EEFSEC: variants seen among roughly 807,000 people sequenced by gnomAD.
EEFSEC encodes the protein selenocysteine-specific elongation factor.
A neutral mutation model predicts 42.1 loss-of-function variants in EEFSEC; 43 were observed. The observed-to-expected ratio is 1.02, with a 90% CI of 0.80 to 1.32. The LOEUF (loss-of-function observed/expected upper bound fraction) is 1.32, where lower values mean the gene tolerates loss of function less well. Among genes scored for constraint, EEFSEC ranks in the 40% most tolerant of loss-of-function variants. EEFSEC has a pLI of 0.00. For missense variants in EEFSEC, 745 were observed against 803.6 expected (o/e 0.93, Z 0.88); for synonymous variants, 354 against 339.1 (o/e 1.04, Z -0.48).
At chr3:128,195,994 C>T (rs1490275181) in intron 1 of EEFSEC, among the ~76,000 whole-genome samples, 1 of 152,258 alleles carries the variant, frequency 6.6e-6, no homozygotes, top group African/African-American at 2.4e-5. Flanking sequence ...GTATTGCCCC[C>T]ACCGCCTTTC....
intron 1 of EEFSEC, among the ~76,000 whole-genome samples, chr3:128,243,145 A>G (rs2066090189): frequency 6.6e-6 from 1 of 152,170 alleles, no homozygotes; most frequent in Non-Finnish European, 1.5e-5. Flanking sequence ...TGGCCAGTCA[A>G]GTCCCTCTGA....
intron 6 of EEFSEC, among the ~76,000 whole-genome samples, chr3:128,385,399 G>A (rs536461445): frequency 1.5e-4 from 23 of 152,314 alleles, no homozygotes; most frequent in Non-Finnish European, 3.4e-4. Context: ...GCTGCCCTGG[G>A]AATGCAGGCC....
At chr3:128,372,618 C>T (rs189852665) in intron 6 of EEFSEC, among the ~76,000 whole-genome samples, 57 of 152,282 alleles carry the variant, frequency 3.7e-4, no homozygotes, top group Admixed American at 3.7e-3. Flanking sequence ...CTGTTACTGC[C>T]GATGTTCATT....
intron 6 of EEFSEC, among the ~76,000 whole-genome samples, chr3:128,358,875 G>T (rs1272133775): frequency 6.6e-6 from 1 of 152,156 alleles, no homozygotes; most frequent in Non-Finnish European, 1.5e-5. Flanking sequence ...GGGTCAGAGG[G>T]TGTGTGTTTG....
At chr3:128,344,875 C>T (rs922332372) in intron 5 of EEFSEC, among the ~76,000 whole-genome samples, 5 of 152,302 alleles carry the variant, frequency 3.3e-5, no homozygotes, top group Admixed American at 6.5e-5. Flanking sequence ...ATGTAAGAGC[C>T]GACTCTCATC....
At chr3:128,300,060 C>T (rs1019646999) in intron 4 of EEFSEC, among the ~76,000 whole-genome samples, 2 of 152,174 alleles carry the variant, frequency 1.3e-5, no homozygotes, top group African/African-American at 4.8e-5. Flanking sequence ...TGGTAGTCAG[C>T]TCCCCGGCAG....
chr3:128,236,120 C>T (rs1469244539), intron 1 of EEFSEC, among the ~76,000 whole-genome samples: 1 of 152,196 alleles, frequency 6.6e-6, no homozygotes, highest in Non-Finnish European at 1.5e-5. Context: ...CAACACCAGG[C>T]ACGCAACACC....
chr3:128,299,761 A>G (rs2066746611), intron 4 of EEFSEC, among the ~76,000 whole-genome samples: 1 of 152,248 alleles, frequency 6.6e-6, no homozygotes, highest in African/African-American at 2.4e-5. Flanking sequence ...CATGAGGATT[A>G]TAAGTAATAC....
the EEFSEC span, among the ~76,000 whole-genome samples, chr3:128,417,837 T>C: frequency 6.6e-6 from 1 of 152,068 alleles, no homozygotes; most frequent in Non-Finnish European, 1.5e-5. This position sits in a 1 kb window ranked among gnomAD's most constrained non-coding sequence, Gnocchi z 4.3. Flanking sequence ...GCACTCCGGT[T>C]CACATGTGCT....
At position 128,198,656 on chromosome 3, in the gene EEFSEC, G is replaced by T. The variant is rs2065611895; in HGVS notation, c.316+44833G>T. 2.0e-5 allele frequency among the ~76,000 whole-genome samples: 3 copies of T among 152,162 alleles called. No homozygotes were observed. In the South Asian group the frequency reaches 6.2e-4, roughly 32 times the overall value. ...GACACTGGGGACATTCCTTTCTGAAGAAGGCTCCTTGCATACAAAAAGAAT... is the reference window on the plus strand; with the variant it reads ...GACACTGGGGACATTCCTTTCTGAATAAGGCTCCTTGCATACAAAAAGAAT... On this transcript the variant is annotated intron_variant, in intron 1 of 6. Coordinates refer to ENST00000254730, the MANE Select transcript of EEFSEC (RefSeq NM_021937.5).
intron 4 of EEFSEC, among the ~76,000 whole-genome samples, chr3:128,326,798 T>C (rs961309208): frequency 1.3e-4 from 20 of 152,204 alleles, no homozygotes; most frequent in African/African-American, 4.8e-4. Context: ...AATTCATGAA[T>C]TTCCTGTAGC....
chr3:128,285,956 T>G (rs1306550974), intron 4 of EEFSEC, among the ~76,000 whole-genome samples: 1 of 152,236 alleles, frequency 6.6e-6, no homozygotes, highest in Non-Finnish European at 1.5e-5. Flanking sequence ...CTCTGCTAGT[T>G]ATATTTTTTC....
chr3:128,379,680 T>C (rs568029693), intron 6 of EEFSEC, among the ~76,000 whole-genome samples: 2 of 152,272 alleles, frequency 1.3e-5, no homozygotes, highest in South Asian at 2.1e-4. Context: ...TATCTTTCCT[T>C]GCGGCAATCG....
chr3:128,226,311 T>G (rs2065906945), intron 1 of EEFSEC, among the ~76,000 whole-genome samples: 1 of 152,190 alleles, frequency 6.6e-6, no homozygotes, highest in Non-Finnish European at 1.5e-5. Context: ...ACCCAGCATT[T>G]TCTGTTCCTT....
At chr3:128,329,833 G>A (rs977521324) in intron 4 of EEFSEC, among the ~76,000 whole-genome samples, 1 of 152,250 alleles carries the variant, frequency 6.6e-6, no homozygotes, top group Non-Finnish European at 1.5e-5. Flanking sequence ...AAACCTGGCT[G>A]AAGGACAGGG....
intron 4 of EEFSEC, among the ~76,000 whole-genome samples, chr3:128,285,819 C>T (rs928221782): frequency 8.5e-5 from 13 of 152,300 alleles, no homozygotes; most frequent in Admixed American, 3.3e-4. Flanking sequence ...CCCATGTCTA[C>T]GCTGCATTCT....
At chr3:128,339,792 G>A (rs960403875) in intron 4 of EEFSEC, among the ~76,000 whole-genome samples, 5 of 152,126 alleles carry the variant, frequency 3.3e-5, no homozygotes, top group Non-Finnish European at 7.3e-5. Context: ...GAGGTTTAAT[G>A]GACTCACAGT....
At chr3:128,181,472 C>G (rs2107790540) in intron 1 of EEFSEC, among the ~76,000 whole-genome samples, 1 of 152,288 alleles carries the variant, frequency 6.6e-6, no homozygotes, top group East Asian at 1.9e-4. Flanking sequence ...AGGGATACTG[C>G]CAGTCTCCAT....
intron 5 of EEFSEC, among the ~76,000 whole-genome samples, chr3:128,350,847 C>G (rs2067376702): frequency 6.6e-6 from 1 of 152,166 alleles, no homozygotes; most frequent in Admixed American, 6.5e-5. Context: ...AGGGCCTCTG[C>G]TCTTCCCACC....
Sources: gnomAD v4.1 joint callset for allele counts (sites outside exome capture counted in the v4.1 genomes callset) on GRCh38, gnomAD v4.1.1 for gene constraint, Gnocchi (gnomAD v3.1) non-coding constraint, MANE v1.5 for transcripts, NCBI Gene and HGNC (gene_info 2026-07-23, HGNC 2026-07-21) for gene names.